The following STRN variants were observed in gnomAD, a reference collection of about 807,000 sequenced individuals.
The protein encoded by STRN is striatin, also known as protein phosphatase 2 regulatory subunit B'''alpha.
STRN carries 53 observed loss-of-function variants against 96.3 expected under a neutral mutation model. The observed-to-expected ratio is 0.55, with a 90% CI of 0.44 to 0.69. STRN has a LOEUF of 0.69. Among genes scored for constraint, STRN ranks in the 30% least tolerant of loss-of-function variants. The probability of loss-of-function intolerance (pLI) is 0.00; values close to 1 mark genes in which losing one functional copy is unlikely to be tolerated. For synonymous variants in STRN, 428 were observed against 355.9 expected (o/e 1.20, Z -2.28); for missense variants, 987 against 963.9 (o/e 1.02, Z -0.32).
chr2:36,940,836 CAAAAAAAAAAA>C (rs56996485), intron 1 of STRN, among the ~76,000 whole-genome samples: 11,787 of 46,538 alleles, frequency 0.25, 709 homozygotes, highest in African/African-American at 0.35. Flanking sequence ...GACTCTGTCT[CAAAAAAAAAAA>C]AAAAAAAAAA....
At position 36,855,099 on chromosome 2, in the gene STRN, TAA is replaced by T. The variant is rs140276354; in HGVS notation, c.1978+111_1978+112del. ...TTCTAAGTAACTGTGTTCTGAAAGT[TAA>T]GAGACAGAAAGCTTTATAATGACAA... On this transcript the variant is annotated intron_variant, in intron 15 of 17. Transcript: ENST00000263918. 0.087 allele frequency: 98,300 copies of T among 1,136,328 alleles called. 4,751 individuals are homozygous for T. The highest frequency in any genetic ancestry group is 0.14 in the South Asian group (8,414 of 62,016). 70.4% of individuals were successfully genotyped at this position (1,136,328 alleles called of 1,614,324 possible).
intron 2 of STRN, among the ~76,000 whole-genome samples, chr2:36,920,065 T>C (rs533430177): frequency 7.6e-6 from 1 of 131,596 alleles, no homozygotes; most frequent in East Asian, 2.5e-4. Context: ...GATCTTTACT[T>C]AGGCATTTAC....
At chr2:36,959,005 A>G (rs970844569) in intron 1 of STRN, among the ~76,000 whole-genome samples, 2 of 152,048 alleles carry the variant, frequency 1.3e-5, no homozygotes, top group Admixed American at 6.6e-5. Context: ...AGTCCCAGCT[A>G]CTCGGGAGGC....
rs187898304 is a variant in STRN, at chr2:36,933,418, T to C, written c.235-8210A>G. Among the ~76,000 whole-genome samples, 35 of 152,236 alleles carry C rather than the reference T, an allele frequency of 2.3e-4. No individual in the cohort carries two copies. In the East Asian group the frequency reaches 6.2e-3, roughly 27 times the overall value. Reference sequence around the variant, plus strand: ...AACTGTATATGTACATATACACATATGTAGAAGAAAAGAGAGAATAAGATA... The same window carrying C: ...AACTGTATATGTACATATACACATACGTAGAAGAAAAGAGAGAATAAGATA... On this transcript the variant is annotated intron_variant, in intron 1 of 17. Transcript: ENST00000263918.
At chr2:36,885,820 A>T (rs1280059242) in intron 8 of STRN, among the ~76,000 whole-genome samples, 1 of 152,140 alleles carries the variant, frequency 6.6e-6, no homozygotes, top group Non-Finnish European at 1.5e-5. Flanking sequence ...ACTAAGTTAG[A>T]TTTTAATCTC....
At chr2:36,966,101 C>A in intron 1 of STRN, 129 bp downstream of exon 1, 1 of 994,352 alleles carries the variant, frequency 1.0e-6, no homozygotes, top group Non-Finnish European at 1.3e-6. Context: ...GACGGGGCTC[C>A]GGGTGGGATG....
intron 1 of STRN, among the ~76,000 whole-genome samples, chr2:36,951,463 G>C (rs1279317887): frequency 6.6e-6 from 1 of 152,174 alleles, no homozygotes; most frequent in Non-Finnish European, 1.5e-5. Flanking sequence ...GCAGCAAAAG[G>C]GACAGATACA....
Position 36,931,905 on chromosome 2 carries a change from C to T in STRN, c.235-6697G>A, listed in dbSNP as rs182713758. 3.7e-4 allele frequency among the ~76,000 whole-genome samples: 56 copies of T among 151,732 alleles called. No individual in the cohort carries two copies. The East Asian group carries it at 0.011, about 30-fold the overall frequency. ...GTGCAGTCATAGCTCACAGCAGCCT[C>T]GAAATCCTGAACTCAATCAATTCTC... On this transcript the variant is annotated intron_variant, in intron 1 of 17. Coordinates refer to ENST00000263918, the MANE Select transcript of STRN (RefSeq NM_003162.4).
At chr2:36,929,703 T>G (rs1670521495) in intron 1 of STRN, among the ~76,000 whole-genome samples, 1 of 152,136 alleles carries the variant, frequency 6.6e-6, no homozygotes, top group Admixed American at 6.6e-5. Context: ...CATTTTAAAC[T>G]ACCTTGTATT....
chr2:36,902,869 C>T, intron 4 of STRN, 118 bp from the exon 5 acceptor site: 2 of 757,922 alleles, frequency 2.6e-6, no homozygotes, highest in South Asian at 6.1e-5. Flanking sequence ...CAGTACAGTA[C>T]TATGCTAGTA....
rs546889420 is a variant in STRN, at chr2:36,916,000, T to A, written c.412+78A>T. Reference sequence around the variant, plus strand: ...ATACACAAATAATTAGAAAGTAACTTACAGTTGTAAATGCTGCTAGAAAAT... The same window carrying A: ...ATACACAAATAATTAGAAAGTAACTAACAGTTGTAAATGCTGCTAGAAAAT... On this transcript the variant is annotated intron_variant, in intron 3 of 17. Coordinates refer to ENST00000263918, the MANE Select transcript of STRN (RefSeq NM_003162.4). 57 of 1,263,978 alleles carry A rather than the reference T, an allele frequency of 4.5e-5. No individual in the cohort carries two copies. In the Admixed American group the frequency reaches 8.2e-4, roughly 18 times the overall value. The allele number at this position is 1,263,978 out of a possible 1,614,324, so 78.3% of individuals were successfully genotyped here.
chr2:36,952,505 A>G (rs1361271103), intron 1 of STRN, among the ~76,000 whole-genome samples: 2 of 151,870 alleles, frequency 1.3e-5, no homozygotes, highest in African/African-American at 2.4e-5. Flanking sequence ...GCCCAGACCC[A>G]TCACTCAGCC....
At position 36,869,658 on chromosome 2, in the gene STRN, GC is replaced by G; in HGVS notation, c.1394del (p.Gly465AlafsTer14). 1 of 1,612,570 alleles carries G rather than the reference GC, an allele frequency of 6.2e-7. No individual in the cohort carries two copies. Among genetic ancestry groups the G allele is most frequent in the Non-Finnish European group, 8.5e-7 (1 of 1,179,248 alleles). The stretch of plus-strand genomic sequence containing the variant: ...TGGGATGGAAAGCAAGGGCTCGGAT[GC>G]CATCAAAGTGACTTCTCAATGTAAA... ...PKFTLRSHFD[G>X]IRALAFHPIE... On this transcript the variant is annotated frameshift_variant, in exon 11 of 18. Transcript: ENST00000263918. LOFTEE classifies it high-confidence loss of function.
In STRN at chr2:36,844,897, T is replaced by C. The variant is rs1349566201; in HGVS notation, c.*4559A>G. 6.6e-6 allele frequency: 1 copy of C among 152,160 alleles called. No individual in the cohort carries two copies. The highest frequency in any genetic ancestry group is 1.5e-5 in the Non-Finnish European group (1 of 68,028). The allele number at this position is 152,160 out of a possible 1,614,324, so 9.4% of individuals were successfully genotyped here. The stretch of plus-strand genomic sequence containing the variant: ...CTGGGCCTTTCTCTAAAATGAACTT[T>C]AGGGCTTGATACATTTCACAAAAAT... On this transcript the variant is annotated 3_prime_UTR_variant, in exon 18 of 18. Coordinates refer to ENST00000263918, the MANE Select transcript of STRN (RefSeq NM_003162.4).
At chr2:36,904,878 G>A (rs1454212548) in intron 4 of STRN, among the ~76,000 whole-genome samples, 1 of 151,850 alleles carries the variant, frequency 6.6e-6, no homozygotes, top group Non-Finnish European at 1.5e-5. Context: ...TATATGTTAG[G>A]CAATATTTGC....
chr2:36,881,852 CT>C (rs1669079296), intron 9 of STRN, among the ~76,000 whole-genome samples: 1 of 152,148 alleles, frequency 6.6e-6, no homozygotes, highest in East Asian at 1.9e-4. Context: ...GAAAAACTAA[CT>C]TTTCTCCTTA....
Position 36,846,482 on chromosome 2 carries a change from A to C in STRN, c.*2974T>G, listed in dbSNP as rs1241586527. ...TATATATAATATATATTTATAAAAT[A>C]TACATACATTTTAGACATTTTCAAA... On this transcript the variant is annotated 3_prime_UTR_variant, in exon 18 of 18. Transcript: ENST00000263918. The C allele has an allele frequency of 1.4e-5, 2 of 142,270 alleles. No individual in the cohort carries two copies. Among genetic ancestry groups the C allele is most frequent in the African/African-American group, 5.3e-5 (2 of 37,938 alleles). The allele number at this position is 142,270 out of a possible 1,614,324, so 8.8% of individuals were successfully genotyped here.
intron 2 of STRN, among the ~76,000 whole-genome samples, chr2:36,923,573 T>C (rs1048387065): frequency 6.6e-6 from 1 of 152,222 alleles, no homozygotes; most frequent in Non-Finnish European, 1.5e-5. Flanking sequence ...CACGTATTTT[T>C]CACTAAGAGG....
intron 8 of STRN, among the ~76,000 whole-genome samples, chr2:36,885,838 A>G (rs1360138860): frequency 6.6e-6 from 1 of 152,130 alleles, no homozygotes; most frequent in Non-Finnish European, 1.5e-5. Flanking sequence ...CTCACTTTAT[A>G]CTACCTTAAC....
Sources: allele counts gnomAD v4.1 joint callset (sites outside exome capture counted in the v4.1 genomes callset), GRCh38; gene constraint gnomAD v4.1.1; transcripts MANE v1.5; gene names NCBI Gene and HGNC (gene_info 2026-07-23, HGNC 2026-07-21).